Variants in TENT2 observed in about 807,000 individuals in gnomAD.
TENT2 encodes the protein terminal nucleotidyltransferase 2.
A neutral mutation model predicts 72.2 loss-of-function variants in TENT2; 44 were observed. The ratio of observed to expected loss-of-function variants is 0.61; its 90% confidence interval spans 0.48 to 0.78. TENT2 has a LOEUF of 0.78. Among genes scored for constraint, TENT2 ranks in the 30% least tolerant of loss-of-function variants. The pLI is 0.00. For synonymous variants in TENT2, 212 were observed against 192.5 expected, an observed-to-expected ratio of 1.10 and a Z score of -0.84; for missense variants, 541 against 569.6, an observed-to-expected ratio of 0.95 and a Z score of 0.51.
chr5:79,669,724 T>C (rs1421323930), intron 12 of TENT2, among the ~76,000 whole-genome samples: 2 of 151,922 alleles, frequency 1.3e-5, no homozygotes, highest in African/African-American at 4.8e-5. Context: ...GAAGTTTGCA[T>C]AGGGTAATAA....
At position 79,642,853 on chromosome 5, in the gene TENT2, A is replaced by G; in HGVS notation, c.694A>G (p.Lys232Glu). ...EEPCFFQVNQ[K>E]TEARHILTLV... Reference sequence around the variant, plus strand: ...TCAGTGTTTTTTTCAGGTAAATCAGAAGACTGAAGCACGGCATATACTCAC... The same window carrying G: ...TCAGTGTTTTTTTCAGGTAAATCAGGAGACTGAAGCACGGCATATACTCAC... Residue 232 changes from lysine (K) to glutamate (E), a missense_variant, in exon 7 of 15, where the codon AAG becomes GAG. By Grantham distance (56) the Lys-to-Glu change is moderately conservative (BLOSUM62 1). Transcript: ENST00000453514. The G allele has an allele frequency of 2.5e-6, 4 of 1,611,472 alleles. No individual in the cohort carries two copies. Among genetic ancestry groups the G allele is most frequent in the Non-Finnish European group, 3.4e-6 (4 of 1,178,936 alleles).
chr5:79,677,341 T>C (rs1818053254), intron 12 of TENT2, among the ~76,000 whole-genome samples: 1 of 152,192 alleles, frequency 6.6e-6, no homozygotes, highest in Non-Finnish European at 1.5e-5. Context: ...AATGAATATA[T>C]CTATTAACAT....
chr5:79,648,694 G>A lies in TENT2; in HGVS notation c.898+1G>A, dbSNP rs1561523262. On this transcript the variant is annotated splice_donor_variant, in intron 9 of 14. Transcript: ENST00000453514. LOFTEE classifies it high-confidence loss of function. Reference sequence around the variant, plus strand: ...TTCCTTCTCAGAACTTATGCATACCGTAAGTTTGTTGTTTGTTTATTAAAA... The same window carrying A: ...TTCCTTCTCAGAACTTATGCATACCATAAGTTTGTTGTTTGTTTATTAAAA... The A allele has an allele frequency of 2.5e-6, 4 of 1,572,978 alleles. No individual in the cohort carries two copies. Among genetic ancestry groups the A allele is most frequent in the Non-Finnish European group, 3.5e-6 (4 of 1,159,236 alleles).
intron 10 of TENT2, among the ~76,000 whole-genome samples, 183 bp downstream of exon 10, chr5:79,649,373 T>C (rs749955262): frequency 2.6e-5 from 4 of 150,968 alleles, no homozygotes; most frequent in African/African-American, 4.9e-5. Context: ...TTGGAAAATA[T>C]AGAAGTTTCA....
At chr5:79,681,252 C>T (rs1821617175) in intron 13 of TENT2, among the ~76,000 whole-genome samples, 1 of 149,360 alleles carries the variant, frequency 6.7e-6, no homozygotes, top group Non-Finnish European at 1.5e-5. Context: ...CTCTACCTCC[C>T]AGGTTCAAGT....
rs1791658490 is a variant in TENT2, at chr5:79,649,270, T to C, written c.1027+80T>C. On this transcript the variant is annotated intron_variant, in intron 10 of 14. Transcript: ENST00000453514. ...GGTGTCTTCTCTGTTGACCCTATTT[T>C]CAAATAGTATTGTTTTAAAAGTTCT... is the stretch of plus-strand genomic sequence containing the variant. The C allele has an allele frequency of 3.0e-6, 4 of 1,321,088 alleles. No individual in the cohort carries two copies. In the African/African-American group the frequency reaches 5.9e-5, roughly 19 times the overall value. 81.8% of individuals were successfully genotyped at this position (1,321,088 alleles called of 1,614,324 possible). A position where few individuals can be genotyped will look rare whatever the true frequency, so the allele number is the denominator to read the frequency against.
chr5:79,650,717 A>G (rs1013664131), intron 10 of TENT2, among the ~76,000 whole-genome samples: 1 of 152,090 alleles, frequency 6.6e-6, no homozygotes, highest in African/African-American at 2.4e-5. Context: ...CTTATGCTAT[A>G]GATCAAAAAT....
intron 12 of TENT2, among the ~76,000 whole-genome samples, chr5:79,672,916 TCCC>T (rs1165804397): frequency 2.0e-5 from 3 of 152,192 alleles, no homozygotes; most frequent in Non-Finnish European, 2.9e-5. Context: ...TAATTTACAT[TCCC>T]ACCAGCAGGG....
chr5:79,620,081 G>A lies in TENT2; in HGVS notation c.225G>A (p.Arg75=). 6.3e-7 allele frequency: 1 copy of A among 1,587,442 alleles called. No individual in the cohort carries two copies. The change falls in exon 3 of 15, where the codon AGG becomes AGA. Residue 75 remains arginine (R), a splice_region_variant and synonymous_variant. Transcript: ENST00000453514. ...QTSASPLFRG[R]KRLSDEKNLP... is the part of the protein sequence containing the mutation. ...CAGCTTCCCCATTATTTCGAGGAAG[G>A]AAGTAAGTACTTCTTAATTATTTTA...
At chr5:79,659,428 G>C (rs921061529) in intron 11 of TENT2, among the ~76,000 whole-genome samples, 12 of 149,578 alleles carry the variant, frequency 8.0e-5, no homozygotes, top group Non-Finnish European at 1.0e-4. Flanking sequence ...AGCTACTCAG[G>C]AGGGTGAGGA....
intron 10 of TENT2, among the ~76,000 whole-genome samples, chr5:79,649,404 T>TTTGTA (rs1791828362): frequency 6.6e-6 from 1 of 151,716 alleles, no homozygotes; most frequent in African/African-American, 2.4e-5. Flanking sequence ...TTTTATTTTT[T>TTTGTA]GGAAGTTTTT....
intron 12 of TENT2, 68 bp downstream of exon 12, chr5:79,669,096 G>A: frequency 6.7e-7 from 1 of 1,493,616 alleles, no homozygotes. Context: ...GTATATATAT[G>A]AATACGAATA....
At chr5:79,627,907 G>A (rs1170554763) in intron 4 of TENT2, among the ~76,000 whole-genome samples, 10 of 152,158 alleles carry the variant, frequency 6.6e-5, no homozygotes, top group Non-Finnish European at 1.5e-4. Context: ...TTTATTGATG[G>A]TTCTTGTAGG....
chr5:79,633,997 C>CAAAAAAAAAA (rs562252526), intron 4 of TENT2, among the ~76,000 whole-genome samples: 30 of 70,360 alleles, frequency 4.3e-4, no homozygotes, highest in African/African-American at 6.7e-4. Flanking sequence ...ACTAAAAATA[C>CAAAAAAAAAA]AAAAAAAAAA....
Position 79,685,481 on chromosome 5 carries a change from T to C in TENT2, c.*208T>C. On this transcript the variant is annotated 3_prime_UTR_variant, in exon 15 of 15. Coordinates refer to ENST00000453514, the MANE Select transcript of TENT2 (RefSeq NM_001114394.3). ...TTAAAAATGTATTTTTAAAAATGTT[T>C]ACATTGATGATGAGTAATATTGCAT... is the stretch of plus-strand genomic sequence containing the variant. The C allele has an allele frequency of 2.5e-6, 1 of 393,822 alleles. No individual in the cohort carries two copies. Among genetic ancestry groups the C allele is most frequent in the Non-Finnish European group, 4.5e-6 (1 of 224,434 alleles). The allele number at this position is 393,822 out of a possible 1,614,324, so 24.4% of individuals were successfully genotyped here. A position where few individuals can be genotyped will look rare whatever the true frequency, so the allele number is the denominator to read the frequency against.
intron 11 of TENT2, among the ~76,000 whole-genome samples, chr5:79,665,860 T>C (rs1807227637): frequency 6.6e-6 from 1 of 152,190 alleles, no homozygotes; most frequent in Non-Finnish European, 1.5e-5. Flanking sequence ...TTGTTCTTTA[T>C]GTACTTTCTA....
chr5:79,663,596 T>G (rs1457372482), intron 11 of TENT2, among the ~76,000 whole-genome samples: 1 of 152,158 alleles, frequency 6.6e-6, no homozygotes, highest in Non-Finnish European at 1.5e-5. Context: ...GCAATTGGAA[T>G]ACACATAACA....
rs1210596443 is a variant in TENT2, at chr5:79,634,960, G to A, written c.466-5891G>A. Among the ~76,000 whole-genome samples, 63 of 151,698 alleles carry A rather than the reference G, an allele frequency of 4.2e-4. 1 individual carries two copies. Among genetic ancestry groups the A allele is most frequent in the Admixed American group, 3.9e-3 (60 of 15,246 alleles). ...AGCCTCCTCAGTAGCTGATACTACC[G>A]GCATTTGCCACTGTACCTGGCTTGG... On this transcript the variant is annotated intron_variant, in intron 4 of 14. Transcript: ENST00000453514.
At chr5:79,628,563 ATG>A (rs1384073166) in intron 4 of TENT2, among the ~76,000 whole-genome samples, 2 of 152,140 alleles carry the variant, frequency 1.3e-5, no homozygotes, top group African/African-American at 4.8e-5. Flanking sequence ...AATTTAGAGA[ATG>A]TGTGGAATAA....
Sources: allele counts gnomAD v4.1 joint callset (sites outside exome capture counted in the v4.1 genomes callset), GRCh38; gene constraint gnomAD v4.1.1; transcripts MANE v1.5; gene names NCBI Gene and HGNC (gene_info 2026-07-23, HGNC 2026-07-21).